Variants in MYO5A observed in about 807,000 individuals in gnomAD.
MYO5A encodes the protein myosin VA.
A neutral mutation model predicts 249.7 loss-of-function variants in MYO5A; 98 were observed. The ratio of observed to expected loss-of-function variants is 0.39; its 90% CI spans 0.33 to 0.46. The LOEUF is 0.46. Among genes scored for constraint, MYO5A ranks in the 20% least tolerant of loss-of-function variants. The pLI, the probability that MYO5A is intolerant of heterozygous loss-of-function variation, is 0.98. For synonymous variants in MYO5A, 778 were observed against 810.6 expected (o/e 0.96, Z 0.68); for missense variants, 1,696 against 2,308.8 (o/e 0.73, Z 5.44).
At chr15:52,471,480 C>G (rs141124174) in intron 1 of MYO5A, among the ~76,000 whole-genome samples, 1 of 151,842 alleles carries the variant, frequency 6.6e-6, no homozygotes, top group African/African-American at 2.4e-5. Context: ...TTTAGCCAGG[C>G]ATGGTAGTGT....
At chr15:52,427,364 T>C (rs1304503456) in intron 3 of MYO5A, among the ~76,000 whole-genome samples, 1 of 151,688 alleles carries the variant, frequency 6.6e-6, no homozygotes, top group African/African-American at 2.4e-5. Flanking sequence ...ACAAGATAAG[T>C]AAGAAAATAT....
intron 1 of MYO5A, among the ~76,000 whole-genome samples, chr15:52,524,590 TA>T (rs1311873573): frequency 1.1e-4 from 16 of 147,414 alleles, no homozygotes; most frequent in Non-Finnish European, 1.9e-4. Context: ...AATAAATAAA[TA>T]AAATAGGCTG....
chr15:52,505,493 A>C (rs1375020129), intron 1 of MYO5A: 1 of 1,183,678 alleles, frequency 8.4e-7, no homozygotes, highest in African/African-American at 1.5e-5. Context: ...GATGACATTG[A>C]TCTCTCTGGA....
At chr15:52,462,564 T>A (rs1378149817) in intron 1 of MYO5A, among the ~76,000 whole-genome samples, 3 of 152,108 alleles carry the variant, frequency 2.0e-5, no homozygotes, top group Admixed American at 2.0e-4. Flanking sequence ...ATTAAGGTTA[T>A]CGGCCAGGCA....
intron 1 of MYO5A, among the ~76,000 whole-genome samples, chr15:52,453,152 G>T (rs1386306934): frequency 1.3e-5 from 2 of 151,972 alleles, no homozygotes; most frequent in East Asian, 3.9e-4. Context: ...AAAGGTGAAG[G>T]ACAAACAGAG....
At chr15:52,444,714 G>C (rs1486062477) in intron 1 of MYO5A, among the ~76,000 whole-genome samples, 2 of 152,138 alleles carry the variant, frequency 1.3e-5, no homozygotes, top group Non-Finnish European at 2.9e-5. Context: ...TCTCAATGTA[G>C]AAAAAAGTAT....
chr15:52,489,433 A>G (rs966132294), intron 1 of MYO5A, among the ~76,000 whole-genome samples: 3 of 152,012 alleles, frequency 2.0e-5, no homozygotes, highest in Non-Finnish European at 2.9e-5. Flanking sequence ...GCGTGGTGGC[A>G]CGCACCTGTA....
intron 9 of MYO5A, among the ~76,000 whole-genome samples, chr15:52,402,651 C>A (rs1366216738): frequency 6.6e-6 from 1 of 152,070 alleles, no homozygotes; most frequent in African/African-American, 2.4e-5. Flanking sequence ...TCGAGATCAG[C>A]CTGGCCAACA....
chr15:52,350,515 T>C (rs1479568558), intron 28 of MYO5A, among the ~76,000 whole-genome samples: 1 of 152,192 alleles, frequency 6.6e-6, no homozygotes, highest in African/African-American at 2.4e-5. Flanking sequence ...CACCACACAG[T>C]TGGGATGCTT....
chr15:52,326,358 T>C (rs1331531373), intron 36 of MYO5A, among the ~76,000 whole-genome samples: 3 of 152,246 alleles, frequency 2.0e-5, no homozygotes, highest in Non-Finnish European at 2.9e-5. Context: ...TTTATCTAAG[T>C]ACAATATTGC....
intron 9 of MYO5A, among the ~76,000 whole-genome samples, chr15:52,402,839 C>T (rs187634376): frequency 3.1e-4 from 47 of 151,804 alleles, no homozygotes; most frequent in African/African-American, 6.5e-4. Context: ...AGCAAGACTC[C>T]GTCTCAAAAA....
intron 25 of MYO5A, 54 bp downstream of exon 25, chr15:52,359,914 G>T: frequency 7.8e-7 from 1 of 1,276,332 alleles, no homozygotes; most frequent in Non-Finnish European, 1.1e-6. Context: ...AATGTTCCTT[G>T]TTAACAACAG....
chr15:52,397,013 TTTTG>T (rs769642606), intron 10 of MYO5A, among the ~76,000 whole-genome samples, 184 bp downstream of exon 10: 2 of 152,218 alleles, frequency 1.3e-5, no homozygotes, highest in Non-Finnish European at 2.9e-5. Flanking sequence ...AACTATTTTT[TTTTG>T]TTTTAGTTAA....
intron 1 of MYO5A, among the ~76,000 whole-genome samples, chr15:52,457,781 A>G (rs1780803138): frequency 6.6e-6 from 1 of 152,228 alleles, no homozygotes; most frequent in Non-Finnish European, 1.5e-5. Context: ...GGGAAAGGAA[A>G]TCAGTATGTC....
chr15:52,327,569 T>C (rs1055498126), intron 36 of MYO5A, among the ~76,000 whole-genome samples: 2 of 152,066 alleles, frequency 1.3e-5, no homozygotes, highest in Non-Finnish European at 2.9e-5. Context: ...TAGCTGGGCA[T>C]GGTGGTGTGC....
chr15:52,383,596 A>G (rs955245783), intron 15 of MYO5A, among the ~76,000 whole-genome samples: 1 of 152,212 alleles, frequency 6.6e-6, no homozygotes, highest in Non-Finnish European at 1.5e-5. Context: ...TGAATGAGAG[A>G]ATGACAAAGG....
chr15:52,514,630 G>C (rs1158163991), intron 1 of MYO5A, among the ~76,000 whole-genome samples: 1 of 152,208 alleles, frequency 6.6e-6, no homozygotes, highest in African/African-American at 2.4e-5. Context: ...GTCATGAAGA[G>C]CCTGTGTACT....
intron 1 of MYO5A, among the ~76,000 whole-genome samples, chr15:52,479,220 T>C (rs1007768657): frequency 1.3e-5 from 2 of 152,166 alleles, no homozygotes; most frequent in East Asian, 3.9e-4. Flanking sequence ...TCCAGTGACC[T>C]GCCCTCCTCA....
intron 1 of MYO5A, among the ~76,000 whole-genome samples, chr15:52,523,936 T>C (rs984862596): frequency 1.3e-5 from 2 of 149,990 alleles, no homozygotes; most frequent in African/African-American, 4.9e-5. Flanking sequence ...ATGAAAATAT[T>C]AGAATTTCCA....
Sources: allele counts gnomAD v4.1 joint callset (sites outside exome capture counted in the v4.1 genomes callset), GRCh38; gene constraint gnomAD v4.1.1; transcripts MANE v1.5; gene names NCBI Gene and HGNC (gene_info 2026-07-23, HGNC 2026-07-21).